AXDND1: variants seen among roughly 807,000 people sequenced by gnomAD.
The protein encoded by AXDND1 is axonemal dynein light chain domain containing 1.
In AXDND1, 110 loss-of-function variants were observed where a neutral mutation model predicts 137.5. The ratio of observed to expected loss-of-function variants is 0.80; its 90% CI spans 0.69 to 0.94. AXDND1 has a LOEUF of 0.94. AXDND1 is among the 40% of genes least tolerant of loss of function. The probability of loss-of-function intolerance (pLI) is 0.00; values close to 1 mark genes in which losing one functional copy is unlikely to be tolerated. For synonymous variants in AXDND1, 414 were observed against 399.7 expected, an observed-to-expected ratio of 1.04 and a Z score of -0.43; for missense variants, 1,191 against 1,169.8, an observed-to-expected ratio of 1.02 and a Z score of -0.26.
At chr1:179,407,482 C>T (rs1163399811) in intron 11 of AXDND1, among the ~76,000 whole-genome samples, 1 of 152,148 alleles carries the variant, frequency 6.6e-6, no homozygotes, top group Non-Finnish European at 1.5e-5. Context: ...GCACTGGCCT[C>T]CCAAAGTGTT....
At chr1:179,429,438 C>T (rs142726448) in intron 12 of AXDND1, 80 bp from the exon 13 acceptor site, 9,640 of 646,498 alleles carry the variant, frequency 0.015, 118 homozygotes, top group Middle Eastern at 0.035. Context: ...CATGAAAAAT[C>T]GATATATGAA....
intron 15 of AXDND1, among the ~76,000 whole-genome samples, chr1:179,433,127 C>T (rs1021071003): frequency 6.6e-6 from 1 of 151,982 alleles, no homozygotes; most frequent in East Asian, 1.9e-4. Flanking sequence ...GGAATTTATC[C>T]GTTTCTTCTA....
intron 16 of AXDND1, among the ~76,000 whole-genome samples, chr1:179,460,739 C>T (rs1229541436): frequency 6.6e-5 from 10 of 152,186 alleles, no homozygotes; most frequent in Admixed American, 5.9e-4. Flanking sequence ...TAATGATCAC[C>T]ATTCTAACTG....
At chr1:179,388,752 T>A (rs1248840060) in intron 9 of AXDND1, among the ~76,000 whole-genome samples, 1 of 114,566 alleles carries the variant, frequency 8.7e-6, no homozygotes, top group Non-Finnish European at 1.9e-5. Context: ...CATGCCTGGC[T>A]ATTTTTTTTT....
chr1:179,375,525 C>T (rs917106896), intron 4 of AXDND1, among the ~76,000 whole-genome samples: 1 of 150,172 alleles, frequency 6.7e-6, no homozygotes, highest in African/African-American at 2.5e-5. Flanking sequence ...TATACATATG[C>T]ATTATATATG....
intron 2 of AXDND1, among the ~76,000 whole-genome samples, chr1:179,368,036 A>G (rs1244255698): frequency 1.3e-5 from 2 of 151,754 alleles, no homozygotes; most frequent in Non-Finnish European, 2.9e-5. Context: ...TGTAAACCCT[A>G]ACAACTTTTG....
At chr1:179,387,543 C>T (rs1649418057) in intron 9 of AXDND1, among the ~76,000 whole-genome samples, 1 of 152,152 alleles carries the variant, frequency 6.6e-6, no homozygotes, top group Non-Finnish European at 1.5e-5. Flanking sequence ...TTAAACCTAG[C>T]AGTAATTTTG....
At chr1:179,405,648 A>T (rs773139101) in intron 11 of AXDND1, among the ~76,000 whole-genome samples, 3 of 152,132 alleles carry the variant, frequency 2.0e-5, no homozygotes, top group Non-Finnish European at 4.4e-5. Context: ...TCTTCTAGGT[A>T]TTCCAATTTG....
At chr1:179,448,566 A>C in intron 16 of AXDND1, 2 of 306,246 alleles carry the variant, frequency 6.5e-6, no homozygotes, top group Non-Finnish European at 1.3e-5. Context: ...CTACAGCTGA[A>C]ATTTTCTACA....
intron 21 of AXDND1, among the ~76,000 whole-genome samples, chr1:179,512,616 T>C (rs563273398): frequency 1.3e-5 from 2 of 152,334 alleles, no homozygotes; most frequent in East Asian, 3.9e-4. Flanking sequence ...AGTGGTGTTC[T>C]GATGGGGATT....
chr1:179,550,357 G>C (rs1673082419), intron 25 of AXDND1, among the ~76,000 whole-genome samples: 1 of 152,012 alleles, frequency 6.6e-6, no homozygotes, highest in South Asian at 2.1e-4. Flanking sequence ...GGCATGTGTA[G>C]GTTACCTAAT....
intron 17 of AXDND1, among the ~76,000 whole-genome samples, chr1:179,469,899 A>C (rs1169705986): frequency 6.6e-6 from 1 of 152,134 alleles, no homozygotes; most frequent in Non-Finnish European, 1.5e-5. Flanking sequence ...TCTTTGCCAA[A>C]TCCAAGGTCA....
At chr1:179,458,807 T>TA (rs1199425093) in intron 16 of AXDND1, among the ~76,000 whole-genome samples, 4 of 151,530 alleles carry the variant, frequency 2.6e-5, no homozygotes, top group African/African-American at 9.7e-5. Flanking sequence ...GAAAAACACT[T>TA]AAACTTTATA....
intron 12 of AXDND1, among the ~76,000 whole-genome samples, chr1:179,429,143 C>T (rs536226508): frequency 6.6e-6 from 1 of 151,642 alleles, no homozygotes; most frequent in South Asian, 2.1e-4. Flanking sequence ...CGCCACTGCA[C>T]TCCAACCTGG....
At chr1:179,416,080 C>T (rs894297964) in intron 12 of AXDND1, among the ~76,000 whole-genome samples, 5 of 152,136 alleles carry the variant, frequency 3.3e-5, no homozygotes, top group Admixed American at 3.3e-4. Context: ...ATCAACCTCT[C>T]TTTATCTTCT....
At chr1:179,389,165 GTTTCACCATGTTGGCCAGGCTGGTC>G (rs1364157801) in intron 9 of AXDND1, among the ~76,000 whole-genome samples, 1 of 151,678 alleles carries the variant, frequency 6.6e-6, no homozygotes, top group Non-Finnish European at 1.5e-5. Context: ...TAGAGACGGG[GTTTCACCATGTTGGCCAGGCTGGTC>G]TCGAACTCCT....
chr1:179,449,153 T>C (rs1232565472), intron 16 of AXDND1: 2 of 454,496 alleles, frequency 4.4e-6, no homozygotes, highest in Non-Finnish European at 8.8e-6. Flanking sequence ...CCCAAAGTGC[T>C]GGAATTAGAG....
intron 21 of AXDND1, among the ~76,000 whole-genome samples, chr1:179,519,806 T>C (rs1669885875): frequency 6.6e-6 from 1 of 152,248 alleles, no homozygotes; most frequent in Non-Finnish European, 1.5e-5. Context: ...TACTATACTT[T>C]GAAGTTGGGT....
At chr1:179,379,940 C>A (rs572739442) in intron 6 of AXDND1, among the ~76,000 whole-genome samples, 3 of 152,000 alleles carry the variant, frequency 2.0e-5, no homozygotes, top group Non-Finnish European at 4.4e-5. Context: ...AGCCAGCCAT[C>A]CTAATACAAT....
Sources: allele counts gnomAD v4.1 joint callset (sites outside exome capture counted in the v4.1 genomes callset), GRCh38; gene constraint gnomAD v4.1.1; transcripts MANE v1.5; gene names NCBI Gene and HGNC (gene_info 2026-07-23, HGNC 2026-07-21).